Variants in CFAP95 observed in about 807,000 individuals in gnomAD.
CFAP95 encodes cilia and flagella associated protein 95, also known as cilia- and flagella-associated protein 95.
the CFAP95 span, among the ~76,000 whole-genome samples, chr9:69,825,275 T>C: frequency 6.6e-6 from 1 of 152,198 alleles, no homozygotes; most frequent in Non-Finnish European, 1.5e-5. Flanking sequence ...AAAATCTGTA[T>C]CTGGGAGAAA....
the CFAP95 span, among the ~76,000 whole-genome samples, chr9:69,875,296 A>T: frequency 6.6e-6 from 1 of 152,172 alleles, no homozygotes; most frequent in Non-Finnish European, 1.5e-5. Context: ...ATTCAATATT[A>T]TAAAAGTTTC....
the CFAP95 span, among the ~76,000 whole-genome samples, chr9:69,851,901 G>A: frequency 6.6e-6 from 1 of 151,542 alleles, no homozygotes. Flanking sequence ...AGAGGAAGAA[G>A]GAAGAAGCTC....
the CFAP95 span, among the ~76,000 whole-genome samples, chr9:69,832,725 AG>A: frequency 1.0e-5 from 1 of 96,488 alleles, no homozygotes; most frequent in Non-Finnish European, 2.0e-5. Context: ...TTTAAATTTT[AG>A]GGTACATGTG....
At chr9:69,845,945 G>A in the CFAP95 span, among the ~76,000 whole-genome samples, 5 of 152,166 alleles carry the variant, frequency 3.3e-5, no homozygotes, top group African/African-American at 4.8e-5. Flanking sequence ...GGGCTCTGCA[G>A]TGTGATGCCC....
At chr9:69,854,165 GC>G in the CFAP95 span, among the ~76,000 whole-genome samples, 1 of 152,176 alleles carries the variant, frequency 6.6e-6, no homozygotes, top group Non-Finnish European at 1.5e-5. Context: ...GAGTCAGATG[GC>G]TTCTCTTTAA....
the CFAP95 span, among the ~76,000 whole-genome samples, chr9:69,853,994 C>A: frequency 6.6e-6 from 1 of 152,242 alleles, no homozygotes; most frequent in East Asian, 1.9e-4. Context: ...GAACCAGTAA[C>A]TGATCATATC....
chr9:69,841,197 T>TATATA, the CFAP95 span, among the ~76,000 whole-genome samples: 6 of 131,484 alleles, frequency 4.6e-5, no homozygotes, highest in Non-Finnish European at 4.9e-5. Context: ...TATATATATA[T>TATATA]TTCTGATTTA....
At chr9:69,888,640 C>G in the CFAP95 span, among the ~76,000 whole-genome samples, 21 of 152,246 alleles carry the variant, frequency 1.4e-4, no homozygotes, top group African/African-American at 4.3e-4. Flanking sequence ...CTTTGGGAGG[C>G]CGAGGCAGGT....
the CFAP95 span, among the ~76,000 whole-genome samples, chr9:69,853,324 C>A: frequency 6.6e-6 from 1 of 152,134 alleles, no homozygotes; most frequent in Admixed American, 6.6e-5. Flanking sequence ...AATGGGAATT[C>A]ATTCTAGAAG....
the CFAP95 span, among the ~76,000 whole-genome samples, chr9:69,870,250 T>G: frequency 6.6e-6 from 1 of 152,064 alleles, no homozygotes; most frequent in Admixed American, 6.5e-5. Context: ...ACCGGGAATA[T>G]AGAAAAAAAA....
At chr9:69,901,141 G>GT in the CFAP95 span, among the ~76,000 whole-genome samples, 3 of 145,618 alleles carry the variant, frequency 2.1e-5, no homozygotes, top group African/African-American at 8.1e-5. Flanking sequence ...GTTTGGTTTT[G>GT]GTTTTTTTTT....
the CFAP95 span, among the ~76,000 whole-genome samples, chr9:69,862,334 A>G: frequency 6.6e-6 from 1 of 152,160 alleles, no homozygotes; most frequent in Admixed American, 6.5e-5. Context: ...TGCTAGAATT[A>G]CTCATTTGTT....
chr9:69,904,545 A>C, the CFAP95 span, among the ~76,000 whole-genome samples: 1 of 152,208 alleles, frequency 6.6e-6, no homozygotes, highest in African/African-American at 2.4e-5. Flanking sequence ...TTCCTAGAAC[A>C]GCACATTTCA....
At chr9:69,885,462 T>C in the CFAP95 span, among the ~76,000 whole-genome samples, 2 of 152,212 alleles carry the variant, frequency 1.3e-5, no homozygotes, top group African/African-American at 4.8e-5. Context: ...TTGGCTGCAG[T>C]TGGAGTTCAG....
chr9:69,903,189 T>C, the CFAP95 span, among the ~76,000 whole-genome samples: 1 of 152,228 alleles, frequency 6.6e-6, no homozygotes, highest in African/African-American at 2.4e-5. Flanking sequence ...AGCTGCAAAC[T>C]GCACCCTGGG....
At chr9:69,843,603 CTTCTTCTTCTTCTTCTTCTTCTTCT>C in the CFAP95 span, among the ~76,000 whole-genome samples, 4 of 73,160 alleles carry the variant, frequency 5.5e-5, no homozygotes, top group Non-Finnish European at 9.4e-5. Flanking sequence ...TCTTCTTCTT[CTTCTTCTTCTTCTTCTTCTTCTTCT>C]TCCTCCTCCT....
chr9:69,893,413 G>A, the CFAP95 span, among the ~76,000 whole-genome samples: 2 of 152,218 alleles, frequency 1.3e-5, no homozygotes, highest in African/African-American at 2.4e-5. Flanking sequence ...GACAGAAAGA[G>A]AATCCAGAAC....
chr9:69,856,417 T>C, the CFAP95 span: 1 of 509,162 alleles, frequency 2.0e-6, no homozygotes, highest in South Asian at 3.5e-5. Flanking sequence ...AATTGACAGC[T>C]ATGATCTATT....
At chr9:69,886,759 GT>G in the CFAP95 span, 1 of 1,008,934 alleles carries the variant, frequency 9.9e-7, no homozygotes, top group Non-Finnish European at 1.5e-6. Flanking sequence ...TTTATTTCAT[GT>G]AAAGTGTATA....
Sources: gnomAD v4.1 joint callset for allele counts (sites outside exome capture counted in the v4.1 genomes callset) on GRCh38, gnomAD v4.1.1 for gene constraint, MANE v1.5 for transcripts, NCBI Gene and HGNC (gene_info 2026-07-23, HGNC 2026-07-21) for gene names.